CNTNAP2: variants seen among roughly 807,000 people sequenced by gnomAD.
CNTNAP2 encodes contactin-associated protein-like 2.
Under a neutral mutation model 155.2 loss-of-function variants are expected in CNTNAP2, and 98 were observed. That is an observed-to-expected ratio of 0.63 (90% CI 0.54 to 0.75). CNTNAP2 has a LOEUF of 0.75. Among genes scored for constraint, CNTNAP2 ranks in the 30% least tolerant of loss-of-function variants. The probability of loss-of-function intolerance (pLI) is 0.00; values close to 1 mark genes in which losing one functional copy is unlikely to be tolerated. For missense variants in CNTNAP2, 1,727 were observed against 1,688.1 expected, an observed-to-expected ratio of 1.02 and a Z score of -0.40; for synonymous variants, 651 against 631.2, an observed-to-expected ratio of 1.03 and a Z score of -0.47.
At chr7:147,418,624 A>G (rs1021251057) in intron 10 of CNTNAP2, among the ~76,000 whole-genome samples, 1 of 152,244 alleles carries the variant, frequency 6.6e-6, no homozygotes, top group Non-Finnish European at 1.5e-5. Flanking sequence ...TAGGCTTGGG[A>G]AACAAGTTCA....
chr7:146,551,966 C>T (rs1242549761), intron 1 of CNTNAP2, among the ~76,000 whole-genome samples: 2 of 151,896 alleles, frequency 1.3e-5, no homozygotes, highest in East Asian at 1.9e-4. Context: ...TCCTCAATTT[C>T]AACTACAGAT....
At chr7:146,207,692 A>G (rs538998168) in intron 1 of CNTNAP2, among the ~76,000 whole-genome samples, 1 of 138,552 alleles carries the variant, frequency 7.2e-6, no homozygotes, top group Non-Finnish European at 1.5e-5. Flanking sequence ...TTTTTGAGGC[A>G]TGGTTATTAG....
chr7:148,113,450 G>A (rs1804399761), intron 15 of CNTNAP2, among the ~76,000 whole-genome samples: 1 of 152,168 alleles, frequency 6.6e-6, no homozygotes, highest in African/African-American at 2.4e-5. Context: ...CCTCCCACCA[G>A]GCCCCACAAC....
chr7:146,497,181 C>A (rs1042790493), intron 1 of CNTNAP2, among the ~76,000 whole-genome samples: 2 of 152,166 alleles, frequency 1.3e-5, no homozygotes, highest in Non-Finnish European at 2.9e-5. Context: ...GGACTTAGTA[C>A]TTTATCTCCT....
At chr7:146,713,427 C>T (rs1304626431) in intron 1 of CNTNAP2, among the ~76,000 whole-genome samples, 1 of 152,090 alleles carries the variant, frequency 6.6e-6, no homozygotes, top group Non-Finnish European at 1.5e-5. Context: ...TTCAGCTTGT[C>T]CCCTTCTTTG....
chr7:147,124,043 AAAAAC>A (rs1388996276), intron 6 of CNTNAP2, among the ~76,000 whole-genome samples: 1 of 152,190 alleles, frequency 6.6e-6, no homozygotes, highest in Non-Finnish European at 1.5e-5. Flanking sequence ...ATTCCATCTC[AAAAAC>A]AAAACAAAAA....
At chr7:146,528,137 A>T (rs1379113019) in intron 1 of CNTNAP2, among the ~76,000 whole-genome samples, 2 of 152,162 alleles carry the variant, frequency 1.3e-5, no homozygotes, top group Non-Finnish European at 2.9e-5. Flanking sequence ...GAGGTTTCTT[A>T]AAAGGAGTAA....
chr7:147,249,604 T>TAAAAAAAAAAAAAAA lies in CNTNAP2; in HGVS notation c.1349-50530_1349-50516dup, dbSNP rs755601249. Among the ~76,000 whole-genome samples, 15 of 70,006 alleles carry TAAAAAAAAAAAAAAA rather than the reference T, an allele frequency of 2.1e-4. 1 individual carries two copies. The highest frequency in any genetic ancestry group is 8.9e-4 in the East Asian group (1 of 1,118). 45.9% of individuals were successfully genotyped at this position (70,006 alleles called of 152,430 possible). ...CTATAATAAAGGAAGACATTGGAGG[T>TAAAAAAAAAAAAAAA]AAAAAAAAAAAAAAAAAAAAAGGTT... is the stretch of plus-strand genomic sequence containing the variant. On this transcript the variant is annotated intron_variant, in intron 8 of 23. Coordinates refer to ENST00000361727, the MANE Select transcript of CNTNAP2 (RefSeq NM_014141.6).
intron 4 of CNTNAP2, among the ~76,000 whole-genome samples, chr7:147,102,002 C>A: frequency 6.6e-6 from 1 of 152,026 alleles, no homozygotes; most frequent in East Asian, 1.9e-4. Flanking sequence ...CTGTTCATAT[C>A]AGTTGGATTT....
chr7:146,765,620 G>T (rs1373998111), intron 1 of CNTNAP2, among the ~76,000 whole-genome samples: 3 of 152,134 alleles, frequency 2.0e-5, no homozygotes, highest in Admixed American at 1.3e-4. Context: ...TCCTCTCATG[G>T]TATTTACAGT....
intron 21 of CNTNAP2, chr7:148,381,630 G>A (rs913536448): frequency 6.6e-6 from 1 of 152,232 alleles, no homozygotes; most frequent in Non-Finnish European, 1.5e-5. Context: ...GGATGTCAGG[G>A]GGCAGGCCCA....
chr7:147,949,107 A>AGGAGAATCGCTTG (rs1800874270), intron 14 of CNTNAP2, among the ~76,000 whole-genome samples: 1 of 152,038 alleles, frequency 6.6e-6, no homozygotes, highest in Non-Finnish European at 1.5e-5. Context: ...AGGCTGAGGC[A>AGGAGAATCGCTTG]GGAGAATCGC....
chr7:146,481,732 T>C (rs1796962778), intron 1 of CNTNAP2, among the ~76,000 whole-genome samples: 1 of 152,214 alleles, frequency 6.6e-6, no homozygotes, highest in Non-Finnish European at 1.5e-5. Context: ...ATTATCCCTT[T>C]AGTCATTTTA....
At chr7:147,255,628 C>T (rs899674074) in intron 8 of CNTNAP2, among the ~76,000 whole-genome samples, 10 of 151,762 alleles carry the variant, frequency 6.6e-5, no homozygotes, top group Non-Finnish European at 1.5e-4. Context: ...AGTTACCATG[C>T]CATATAAAAA....
At chr7:146,620,861 T>A (rs1353400075) in intron 1 of CNTNAP2, among the ~76,000 whole-genome samples, 3 of 152,190 alleles carry the variant, frequency 2.0e-5, no homozygotes, top group Admixed American at 6.5e-5. Flanking sequence ...TGAATAATTT[T>A]AAAAATATTT....
intron 1 of CNTNAP2, among the ~76,000 whole-genome samples, chr7:146,376,299 C>G (rs1795302657): frequency 6.6e-6 from 1 of 152,156 alleles, no homozygotes; most frequent in African/African-American, 2.4e-5. Context: ...ATTCCTTACT[C>G]TCTTAGAGTC....
chr7:148,371,087 A>G (rs970579683), intron 21 of CNTNAP2, among the ~76,000 whole-genome samples: 2 of 152,184 alleles, frequency 1.3e-5, no homozygotes, highest in Non-Finnish European at 2.9e-5. Flanking sequence ...CCACTTTCTA[A>G]ATTGGAATAT....
At chr7:148,058,613 G>T (rs915128239) in intron 15 of CNTNAP2, among the ~76,000 whole-genome samples, 1 of 152,134 alleles carries the variant, frequency 6.6e-6, no homozygotes, top group Non-Finnish European at 1.5e-5. Flanking sequence ...CTGCATATCC[G>T]AGAGTGGTCA....
At chr7:146,221,867 C>A (rs1412212662) in intron 1 of CNTNAP2, among the ~76,000 whole-genome samples, 1 of 152,052 alleles carries the variant, frequency 6.6e-6, no homozygotes, top group Admixed American at 6.6e-5. Context: ...TAAGTCAATA[C>A]AAAGGATTGG....
Sources: gnomAD v4.1 joint callset for allele counts (sites outside exome capture counted in the v4.1 genomes callset) on GRCh38, gnomAD v4.1.1 for gene constraint, MANE v1.5 for transcripts, NCBI Gene and HGNC (gene_info 2026-07-23, HGNC 2026-07-21) for gene names.